Variants in IQSEC1 observed in about 807,000 individuals in gnomAD.
The protein encoded by IQSEC1 is IQ motif and SEC7 domain-containing protein 1.
In IQSEC1, 31 loss-of-function variants were observed where a neutral mutation model predicts 91.0. The observed-to-expected ratio is 0.34, with a 90% CI of 0.26 to 0.46. The LOEUF (loss-of-function observed/expected upper bound fraction) is 0.46. Among genes scored for constraint, IQSEC1 ranks in the 20% least tolerant of loss-of-function variants. IQSEC1 has a pLI of 1.00. For synonymous variants in IQSEC1, 699 were observed against 662.6 expected, an observed-to-expected ratio of 1.05 and a Z score of -0.84; for missense variants, 1,388 against 1,575.6, an observed-to-expected ratio of 0.88 and a Z score of 2.02.
intron 1 of IQSEC1, among the ~76,000 whole-genome samples, chr3:12,962,911 G>C (rs1326726054): frequency 1.3e-5 from 2 of 152,216 alleles, no homozygotes; most frequent in Non-Finnish European, 2.9e-5. Context: ...CCTGATACCT[G>C]GGGATACCAG....
At chr3:12,980,949 T>C (rs1701422444) in intron 1 of IQSEC1, among the ~76,000 whole-genome samples, 1 of 152,216 alleles carries the variant, frequency 6.6e-6, no homozygotes, top group Admixed American at 6.5e-5. Context: ...ATTATACTCC[T>C]TCCCTCTGCA....
intron 1 of IQSEC1, among the ~76,000 whole-genome samples, chr3:13,264,581 C>G (rs1695451191): frequency 6.6e-6 from 1 of 152,176 alleles, no homozygotes; most frequent in South Asian, 2.1e-4. Context: ...CATGGCACCC[C>G]TGGGGGACTG....
At chr3:12,982,652 A>G (rs1406685869) in intron 1 of IQSEC1, among the ~76,000 whole-genome samples, 1 of 152,258 alleles carries the variant, frequency 6.6e-6, no homozygotes, top group Non-Finnish European at 1.5e-5. Flanking sequence ...AGAGAGGAAC[A>G]TGCTCTGGGT....
chr3:13,045,205 C>T (rs1461248464), intron 1 of IQSEC1, among the ~76,000 whole-genome samples: 1 of 152,230 alleles, frequency 6.6e-6, no homozygotes, highest in Non-Finnish European at 1.5e-5. Context: ...CTTCCAGGCC[C>T]AGAGGCCTTC....
At chr3:13,203,188 C>A (rs1214946952) in intron 1 of IQSEC1, among the ~76,000 whole-genome samples, 2 of 152,024 alleles carry the variant, frequency 1.3e-5, no homozygotes, top group Non-Finnish European at 2.9e-5. Flanking sequence ...CACACACACA[C>A]ACACACTCTT....
intron 1 of IQSEC1, among the ~76,000 whole-genome samples, chr3:13,213,185 C>T (rs1479329569): frequency 6.6e-6 from 1 of 152,160 alleles, no homozygotes; most frequent in Non-Finnish European, 1.5e-5. Flanking sequence ...TTAGTTCTGA[C>T]ATTTAGTTAC....
In IQSEC1 at chr3:12,967,656, C is replaced by A. The variant is rs1419411321; in HGVS notation, c.24-25791G>T. The A allele has an allele frequency of 2.5e-6, 3 of 1,191,296 alleles. No homozygotes were observed. Among genetic ancestry groups the A allele is most frequent in the Non-Finnish European group, 3.1e-6 (3 of 963,362 alleles). 73.8% of individuals were successfully genotyped at this position (1,191,296 alleles called of 1,614,324 possible). The stretch of plus-strand genomic sequence containing the variant: ...CCGGCCCCAAGTCCGAGCCCCAGGC[C>A]AGCCAAGCCCGCCCCTCCGCCGCCG... On this transcript the variant is annotated intron_variant, in intron 1 of 13. Transcript: ENST00000613206. The surrounding 1 kb of genome is among the most constrained non-coding windows in gnomAD (Gnocchi z 5.9).
intron 1 of IQSEC1, among the ~76,000 whole-genome samples, chr3:12,943,607 G>A (rs1575999626): frequency 1.3e-5 from 2 of 152,340 alleles, no homozygotes; most frequent in Middle Eastern, 3.4e-3. Flanking sequence ...CTCAGCTGCG[G>A]TGCCCCCTCC....
chr3:13,043,342 T>C (rs979849707), intron 1 of IQSEC1, among the ~76,000 whole-genome samples: 1 of 152,176 alleles, frequency 6.6e-6, no homozygotes, highest in Non-Finnish European at 1.5e-5. Context: ...TCCCGGCGTC[T>C]GCTCCAACCC....
At chr3:13,157,135 A>G (rs1032536049) in intron 2 of IQSEC1, among the ~76,000 whole-genome samples, 2 of 152,184 alleles carry the variant, frequency 1.3e-5, no homozygotes, top group African/African-American at 4.8e-5. Flanking sequence ...TTGTGTCACC[A>G]CCTTCTAAGT....
chr3:13,185,309 C>T (rs115739657), intron 1 of IQSEC1, among the ~76,000 whole-genome samples: 386 of 152,328 alleles, frequency 2.5e-3, no homozygotes, highest in African/African-American at 7.5e-3. Flanking sequence ...CAGAGGCTGC[C>T]TCCTCTGAGA....
chr3:12,935,621 G>C lies in IQSEC1; in HGVS notation c.1395C>G (p.Ser465=). Residue 465 remains serine, a synonymous_variant, in exon 3 of 14, where the codon TCC becomes TCG. Transcript: ENST00000613206. The surrounding 1 kb of genome is among the most constrained non-coding windows in gnomAD (Gnocchi z 8.0). ...DNDSINSTSN[S]NDTINCSSES... ...CGGAGCTGCAGTTGATGGTATCGTT[G>C]GAGTTGGACGTGCTGTTGATGCTGT... The C allele has an allele frequency of 6.2e-7, 1 of 1,614,112 alleles. No homozygotes were observed. The highest frequency in any genetic ancestry group is 8.5e-7 in the Non-Finnish European group (1 of 1,180,022).
chr3:12,907,957 C>T (rs1695158125), intron 12 of IQSEC1, among the ~76,000 whole-genome samples: 1 of 152,108 alleles, frequency 6.6e-6, no homozygotes, highest in African/African-American at 2.4e-5. Flanking sequence ...GAGGGTTCCG[C>T]GCAAGTTCAT....
intron 1 of IQSEC1, among the ~76,000 whole-genome samples, chr3:13,044,993 G>A (rs1163942110): frequency 6.6e-6 from 1 of 152,248 alleles, no homozygotes; most frequent in Admixed American, 6.5e-5. Flanking sequence ...TCTGTGAAAG[G>A]GGAACATTGA....
intron 2 of IQSEC1, among the ~76,000 whole-genome samples, chr3:13,124,112 A>G (rs1706472297): frequency 6.6e-6 from 1 of 152,218 alleles, no homozygotes; most frequent in African/African-American, 2.4e-5. Flanking sequence ...CGTTCCACAG[A>G]AAAGACTTCC....
At chr3:13,271,831 A>G (rs1050122962) in intron 1 of IQSEC1, among the ~76,000 whole-genome samples, 1 of 152,180 alleles carries the variant, frequency 6.6e-6, no homozygotes, top group Admixed American at 6.5e-5. Flanking sequence ...AAAATTAACA[A>G]ATAAGAATAA....
chr3:13,002,547 C>CAA (rs57241537), intron 1 of IQSEC1, among the ~76,000 whole-genome samples: 8 of 107,260 alleles, frequency 7.5e-5, no homozygotes, highest in African/African-American at 2.1e-4. Context: ...ACCTGATCTC[C>CAA]AAAAAAAAAA....
At chr3:12,903,638 GGGCCCAGGCCC>G (rs1386843166) in intron 12 of IQSEC1, among the ~76,000 whole-genome samples, 1 of 152,196 alleles carries the variant, frequency 6.6e-6, no homozygotes, top group Non-Finnish European at 1.5e-5. Context: ...TGGGTGCGTA[GGGCCCAGGCCC>G]GGCCTGGCCC....
chr3:13,096,143 G>A (rs1015623320), intron 2 of IQSEC1, among the ~76,000 whole-genome samples: 2 of 152,208 alleles, frequency 1.3e-5, no homozygotes, highest in African/African-American at 2.4e-5. Context: ...GGTCCCAAGT[G>A]TAGACTCAGC....
Sources: allele counts gnomAD v4.1 joint callset (sites outside exome capture counted in the v4.1 genomes callset), GRCh38; gene constraint gnomAD v4.1.1; non-coding constraint Gnocchi (gnomAD v3.1); transcripts MANE v1.5; gene names NCBI Gene and HGNC (gene_info 2026-07-23, HGNC 2026-07-21).